PAPPA2: variants seen among roughly 807,000 people sequenced by gnomAD.
PAPPA2 encodes the protein pappalysin 2.
A neutral mutation model predicts 176.4 loss-of-function variants in PAPPA2; 86 were observed. The ratio of observed to expected loss-of-function variants is 0.49; its 90% CI spans 0.41 to 0.58. The LOEUF is 0.58. PAPPA2 is among the 20% of genes least tolerant of loss of function. The probability of loss-of-function intolerance (pLI) is 0.00; values close to 1 mark genes in which losing one functional copy is unlikely to be tolerated. For missense variants in PAPPA2, 2,073 were observed against 2,256.9 expected (o/e 0.92, Z 1.65); for synonymous variants, 809 against 852.2 (o/e 0.95, Z 0.88).
Position 176,604,650 on chromosome 1 carries a change from GA to G in PAPPA2, c.1991+9062del, listed in dbSNP as rs1207533544. On this transcript the variant is annotated intron_variant, in intron 3 of 22. Transcript: ENST00000367662. The stretch of plus-strand genomic sequence containing the variant: ...AAATATTTACTATCTGGCCGTTTAT[GA>G]AAAAAACTGCCAACCCCTGCTTAAA... Among the ~76,000 whole-genome samples, 9 of 152,132 alleles carry G rather than the reference GA, an allele frequency of 5.9e-5. No individual in the cohort carries two copies. The South Asian group carries it at 8.3e-4, about 14-fold the overall frequency.
intron 3 of PAPPA2, among the ~76,000 whole-genome samples, chr1:176,626,468 C>G (rs375873764): frequency 5.9e-5 from 9 of 152,166 alleles, no homozygotes; most frequent in African/African-American, 1.9e-4. Context: ...CTTTTACCCT[C>G]AGTATGGAAA....
At chr1:176,811,621 C>A (rs2102962984) in intron 21 of PAPPA2, among the ~76,000 whole-genome samples, 1 of 152,224 alleles carries the variant, frequency 6.6e-6, no homozygotes, top group Non-Finnish European at 1.5e-5. Context: ...TATTAAAATC[C>A]AGAGAAAAAT....
chr1:176,665,872 A>T (rs541217230), intron 3 of PAPPA2, among the ~76,000 whole-genome samples: 8 of 152,196 alleles, frequency 5.3e-5, no homozygotes, highest in African/African-American at 1.9e-4. Flanking sequence ...ACCACCAATT[A>T]CATTGACATG....
intron 3 of PAPPA2, among the ~76,000 whole-genome samples, chr1:176,634,704 G>A (rs7529392): frequency 0.25 from 37,793 of 151,568 alleles, 4,848 homozygotes; most frequent in South Asian, 0.33. Flanking sequence ...GATGAAGACA[G>A]ATGTCTGTAG....
intron 3 of PAPPA2, among the ~76,000 whole-genome samples, chr1:176,614,407 G>T (rs1200322994): frequency 6.6e-6 from 1 of 152,112 alleles, no homozygotes; most frequent in Admixed American, 6.5e-5. Context: ...CTTGCTTGAA[G>T]CCTATTAAAT....
At chr1:176,725,351 A>G (rs1241950489) in intron 12 of PAPPA2, among the ~76,000 whole-genome samples, 1 of 152,202 alleles carries the variant, frequency 6.6e-6, no homozygotes, top group Admixed American at 6.5e-5. Context: ...TCCAGTAAAT[A>G]TTAAAGATAT....
intron 1 of PAPPA2, among the ~76,000 whole-genome samples, chr1:176,519,101 T>A (rs953778665): frequency 6.6e-6 from 1 of 152,176 alleles, no homozygotes; most frequent in Non-Finnish European, 1.5e-5. Context: ...ATGGTAAATA[T>A]CCTTGCAGTT....
intron 1 of PAPPA2, among the ~76,000 whole-genome samples, chr1:176,487,817 G>A (rs1328320445): frequency 1.3e-5 from 2 of 152,144 alleles, no homozygotes; most frequent in African/African-American, 2.4e-5. Flanking sequence ...CAATAAAAGG[G>A]ACAGGGAAGA....
intron 21 of PAPPA2, among the ~76,000 whole-genome samples, chr1:176,809,718 A>G (rs1343473293): frequency 2.0e-5 from 3 of 152,146 alleles, no homozygotes; most frequent in Non-Finnish European, 4.4e-5. Flanking sequence ...GAGTAGCTGA[A>G]GCCTGACTAA....
At position 176,499,554 on chromosome 1, in the gene PAPPA2, C is replaced by T. The variant is rs141768323; in HGVS notation, c.-917+36136C>T. ...ACTGTTTTGTGTGCTCTGATCTCTA[C>T]TTCTGTGGAGTGTATTTATGATCTC... On this transcript the variant is annotated intron_variant, in intron 1 of 22. Transcript: ENST00000367662. Among the ~76,000 whole-genome samples, 11 of 152,236 alleles carry T rather than the reference C, an allele frequency of 7.2e-5. No individual in the cohort carries two copies. The East Asian group carries it at 2.1e-3, about 29-fold the overall frequency.
intron 17 of PAPPA2, among the ~76,000 whole-genome samples, chr1:176,777,358 C>T (rs540488225): frequency 1.3e-5 from 2 of 152,236 alleles, no homozygotes; most frequent in South Asian, 2.1e-4. Flanking sequence ...AGGTTTTGTT[C>T]TTTCCTTCTT....
chr1:176,476,957 G>A (rs1010544605), intron 1 of PAPPA2, among the ~76,000 whole-genome samples: 12 of 152,182 alleles, frequency 7.9e-5, no homozygotes, highest in East Asian at 1.9e-4. Flanking sequence ...GTGAGACACC[G>A]GGACCTCGAA....
chr1:176,513,397 ATTTC>A (rs1405232546), intron 1 of PAPPA2, among the ~76,000 whole-genome samples: 2 of 150,268 alleles, frequency 1.3e-5, no homozygotes, highest in Non-Finnish European at 3.0e-5. Flanking sequence ...GCTTTTTCCT[ATTTC>A]TTTCTTAAAT....
At chr1:176,565,179 C>A (rs1005769493) in intron 2 of PAPPA2, among the ~76,000 whole-genome samples, 2 of 152,254 alleles carry the variant, frequency 1.3e-5, no homozygotes, top group African/African-American at 4.8e-5. Context: ...TCTTCAATTA[C>A]TGGATATTTT....
intron 17 of PAPPA2, among the ~76,000 whole-genome samples, chr1:176,780,175 G>T (rs901319769): frequency 6.6e-6 from 1 of 152,194 alleles, no homozygotes; most frequent in Non-Finnish European, 1.5e-5. Flanking sequence ...TCCCAGGTGA[G>T]GGTGTGAGTG....
At chr1:176,800,460 TG>T (rs1216905772) in intron 21 of PAPPA2, among the ~76,000 whole-genome samples, 1 of 152,202 alleles carries the variant, frequency 6.6e-6, no homozygotes, top group Non-Finnish European at 1.5e-5. Context: ...TGGAGACTGA[TG>T]GCCCACTGAC....
chr1:176,491,555 A>C (rs1382307147), intron 1 of PAPPA2, among the ~76,000 whole-genome samples: 1 of 152,196 alleles, frequency 6.6e-6, no homozygotes, highest in Non-Finnish European at 1.5e-5. Flanking sequence ...TTCAGTAAAA[A>C]ATTGTAGGTA....
At chr1:176,587,751 G>A (rs1653407058) in intron 2 of PAPPA2, among the ~76,000 whole-genome samples, 1 of 152,174 alleles carries the variant, frequency 6.6e-6, no homozygotes, top group South Asian at 2.1e-4. Context: ...TTTTGCTTAG[G>A]ATTGTCTTGG....
chr1:176,634,815 TAGATA>T (rs1656574687), intron 3 of PAPPA2, among the ~76,000 whole-genome samples: 2 of 139,132 alleles, frequency 1.4e-5, no homozygotes, highest in Non-Finnish European at 3.1e-5. Flanking sequence ...GATAGATAGA[TAGATA>T]GATAGATAGA....
Sources: allele counts gnomAD v4.1 joint callset (sites outside exome capture counted in the v4.1 genomes callset), GRCh38; gene constraint gnomAD v4.1.1; transcripts MANE v1.5; gene names NCBI Gene and HGNC (gene_info 2026-07-23, HGNC 2026-07-21).